The following MYO9A variants were observed in gnomAD, a reference collection of about 807,000 sequenced individuals.
MYO9A encodes unconventional myosin-IXa.
A neutral mutation model predicts 293.3 loss-of-function variants in MYO9A; 103 were observed. The observed-to-expected ratio is 0.35, with a 90% CI of 0.30 to 0.41. MYO9A has a LOEUF of 0.41. MYO9A is among the 10% of genes least tolerant of loss of function. The probability of loss-of-function intolerance (pLI) is 1.00; values close to 1 mark genes in which losing one functional copy is unlikely to be tolerated. For missense variants in MYO9A, 2,685 were observed against 3,033.0 expected (o/e 0.89, Z 2.69); for synonymous variants, 1,001 against 1,035.7 (o/e 0.97, Z 0.64).
At chr15:71,946,232 T>C (rs2058914282) in intron 15 of MYO9A, among the ~76,000 whole-genome samples, 2 of 152,338 alleles carry the variant, frequency 1.3e-5, no homozygotes, top group South Asian at 4.1e-4. Context: ...TAGTGTTCCC[T>C]TCTCCTGTTT....
At chr15:72,041,602 G>T in intron 2 of MYO9A, 1 of 282,206 alleles carries the variant, frequency 3.5e-6, no homozygotes, top group South Asian at 4.2e-5. Context: ...TGCATAGGGT[G>T]AGTGCTGGAA....
At chr15:72,082,455 T>C (rs2079576144) in intron 1 of MYO9A, among the ~76,000 whole-genome samples, 1 of 152,194 alleles carries the variant, frequency 6.6e-6, no homozygotes, top group Admixed American at 6.5e-5. Context: ...AATATAGTCA[T>C]GTCATCTGCC....
At chr15:71,998,600 T>C (rs2076774323) in intron 9 of MYO9A, among the ~76,000 whole-genome samples, 1 of 151,564 alleles carries the variant, frequency 6.6e-6, no homozygotes, top group Middle Eastern at 3.2e-3. Flanking sequence ...ATTACACTTT[T>C]AAGTATTAGG....
intron 3 of MYO9A, among the ~76,000 whole-genome samples, chr15:72,029,098 A>G (rs928748550): frequency 3.9e-5 from 6 of 152,240 alleles, no homozygotes; most frequent in African/African-American, 1.4e-4. Flanking sequence ...ATAAGTGAGT[A>G]CACAGCACAG....
At chr15:72,019,953 T>C (rs1275816692) in intron 5 of MYO9A, among the ~76,000 whole-genome samples, 2 of 152,156 alleles carry the variant, frequency 1.3e-5, no homozygotes, top group African/African-American at 4.8e-5. Flanking sequence ...GGTTTCACGA[T>C]GTTGGCCAGG....
chr15:71,923,770 G>A (rs1056959798), intron 18 of MYO9A, among the ~76,000 whole-genome samples: 1 of 151,958 alleles, frequency 6.6e-6, no homozygotes, highest in African/African-American at 2.4e-5. Flanking sequence ...GAAATTTGTC[G>A]ATTTTTATCT....
At chr15:71,853,091 C>CTGAA (rs71131711) in intron 35 of MYO9A, among the ~76,000 whole-genome samples, 1,896 of 151,472 alleles carry the variant, frequency 0.013, 24 homozygotes, top group African/African-American at 0.037. Context: ...AAGACTGTCT[C>CTGAA]TGAATGAATG....
At chr15:71,932,616 AACCCCTTCCAG>A (rs1266467786) in intron 18 of MYO9A, among the ~76,000 whole-genome samples, 4 of 151,578 alleles carry the variant, frequency 2.6e-5, no homozygotes, top group Non-Finnish European at 5.9e-5. Context: ...TATACAGACA[AACCCCTTCCAG>A]AAATTAACTG....
chr15:71,897,413 A>C, intron 25 of MYO9A, 48 bp downstream of exon 25: 1 of 1,520,792 alleles, frequency 6.6e-7, no homozygotes, highest in Non-Finnish European at 8.8e-7. Context: ...CTTAATAAAA[A>C]TACTCCAAGA....
At chr15:71,909,151 C>A (rs568654835) in intron 19 of MYO9A, among the ~76,000 whole-genome samples, 30 of 152,270 alleles carry the variant, frequency 2.0e-4, no homozygotes, top group Admixed American at 6.5e-4. Context: ...TATCCATTCA[C>A]CTACTGAAGG....
chr15:72,027,179 T>G (rs1028806938), intron 4 of MYO9A, among the ~76,000 whole-genome samples: 5 of 152,226 alleles, frequency 3.3e-5, no homozygotes, highest in Non-Finnish European at 7.3e-5. Flanking sequence ...TTTCTATCTG[T>G]AAAATGGGAA....
At chr15:71,881,143 A>G (rs1351914601) in intron 28 of MYO9A, among the ~76,000 whole-genome samples, 1 of 151,926 alleles carries the variant, frequency 6.6e-6, no homozygotes, top group South Asian at 2.1e-4. Flanking sequence ...TTCAGCATTT[A>G]GGATTTTCTT....
chr15:72,011,778 C>T (rs1214467421), intron 6 of MYO9A, among the ~76,000 whole-genome samples: 1 of 152,176 alleles, frequency 6.6e-6, no homozygotes, highest in Non-Finnish European at 1.5e-5. Context: ...TCAAAAACCT[C>T]CTCACATTTG....
At chr15:72,063,265 T>C (rs1397676396) in intron 1 of MYO9A, among the ~76,000 whole-genome samples, 1 of 152,162 alleles carries the variant, frequency 6.6e-6, no homozygotes, top group Non-Finnish European at 1.5e-5. Context: ...GGATTAAAGA[T>C]CTAAATCTAG....
rs1159888687 is a variant in MYO9A, at chr15:71,823,025, C to T, written c.*3555G>A. On this transcript the variant is annotated 3_prime_UTR_variant, in exon 42 of 42. Coordinates refer to ENST00000356056, the MANE Select transcript of MYO9A (RefSeq NM_006901.4). Reference sequence around the variant, plus strand: ...GCAGGACAGTGCTGGGGAGTTGTCACAAGAGTATGGGTGGACATAACACAT... The same window carrying T: ...GCAGGACAGTGCTGGGGAGTTGTCATAAGAGTATGGGTGGACATAACACAT... The T allele has an allele frequency of 6.6e-6, 1 of 152,030 alleles. No individual in the cohort carries two copies. The highest frequency in any genetic ancestry group is 6.5e-5 in the Admixed American group (1 of 15,270). 9.4% of individuals were successfully genotyped at this position (152,030 alleles called of 1,614,324 possible).
At chr15:71,969,783 A>G (rs1182206314) in intron 12 of MYO9A, among the ~76,000 whole-genome samples, 1 of 152,210 alleles carries the variant, frequency 6.6e-6, no homozygotes, top group Non-Finnish European at 1.5e-5. Context: ...TTCAACAGAC[A>G]TGTATGGATA....
chr15:72,014,928 C>T (rs1206781492), intron 6 of MYO9A, among the ~76,000 whole-genome samples: 2 of 152,040 alleles, frequency 1.3e-5, no homozygotes, highest in Non-Finnish European at 2.9e-5. Context: ...ACTGCAACCT[C>T]TGCCTCCTGG....
chr15:71,862,368 G>GTA (rs1387763780), intron 33 of MYO9A, 132 bp downstream of exon 33: 85 of 681,348 alleles, frequency 1.2e-4, no homozygotes, highest in East Asian at 1.1e-3. Context: ...GGTGAAGAGA[G>GTA]TATAGCAAGA....
intron 39 of MYO9A, 114 bp from the exon 40 acceptor site, chr15:71,830,425 T>C (rs1595982268): frequency 2.0e-6 from 2 of 979,922 alleles, no homozygotes; most frequent in South Asian, 1.4e-5. Context: ...TAAGAATAAA[T>C]GGAAACACTC....
Sources: allele counts gnomAD v4.1 joint callset (sites outside exome capture counted in the v4.1 genomes callset), GRCh38; gene constraint gnomAD v4.1.1; transcripts MANE v1.5; gene names NCBI Gene and HGNC (gene_info 2026-07-23, HGNC 2026-07-21).